Variants in LIM2 observed in about 807,000 individuals in gnomAD.
LIM2 encodes lens fiber membrane intrinsic protein.
In LIM2, 14 loss-of-function variants were observed where a neutral mutation model predicts 19.0. The ratio of observed to expected loss-of-function variants is 0.74; its 90% CI spans 0.49 to 1.15. The LOEUF (loss-of-function observed/expected upper bound fraction) is 1.15. LIM2 is among the 50% of genes most tolerant of loss of function. LIM2 has a pLI of 0.00. For missense variants in LIM2, 230 were observed against 243.5 expected, an observed-to-expected ratio of 0.94 and a Z score of 0.37; for synonymous variants, 78 against 89.6, an observed-to-expected ratio of 0.87 and a Z score of 0.73.
intron 2 of LIM2, 45 bp downstream of exon 2, chr19:51,387,224 T>C (rs1343508475): frequency 1.2e-6 from 2 of 1,614,232 alleles, no homozygotes; most frequent in African/African-American, 1.3e-5. Flanking sequence ...AGGTCCGCCC[T>C]GCTCTTTCCC....
intron 2 of LIM2, chr19:51,387,030 A>G (rs749320352): frequency 3.1e-5 from 23 of 747,844 alleles, no homozygotes; most frequent in Non-Finnish European, 5.5e-5. Flanking sequence ...GACACCTCTG[A>G]AGCGTCAGGA....
At chr19:51,385,705 A>G (rs1483288003) in intron 2 of LIM2, among the ~76,000 whole-genome samples, 2 of 152,158 alleles carry the variant, frequency 1.3e-5, no homozygotes, top group Non-Finnish European at 2.9e-5. Context: ...GCCAGAAAGG[A>G]GAAGGATGTG....
intron 2 of LIM2, among the ~76,000 whole-genome samples, chr19:51,385,915 C>T (rs1354463886): frequency 6.6e-6 from 1 of 152,150 alleles, no homozygotes; most frequent in Non-Finnish European, 1.5e-5. Flanking sequence ...TTCTCAGCTA[C>T]TCAAGAGGAT....
chr19:51,387,093 C>G (rs562617264), intron 2 of LIM2, 176 bp downstream of exon 2: 1 of 1,216,424 alleles, frequency 8.2e-7, no homozygotes, highest in African/African-American at 1.5e-5. Context: ...GAAACTGCAG[C>G]TAGAAAACAA....
In LIM2 at chr19:51,381,876, A is replaced by C. The variant is rs527469911; in HGVS notation, c.325+542T>G. Among the ~76,000 whole-genome samples the C allele has an allele frequency of 1.4e-4, 22 of 152,144 alleles. 1 individual carries two copies. Among genetic ancestry groups the C allele is most frequent in the African/African-American group, 5.1e-4 (21 of 41,530 alleles). Reference sequence around the variant, plus strand: ...AAGTAGCTGGGACCACAGGCGCCCGACACCACGCCTGGCTAATTTTGTTTT... The same window carrying C: ...AAGTAGCTGGGACCACAGGCGCCCGCCACCACGCCTGGCTAATTTTGTTTT... On this transcript the variant is annotated intron_variant, in intron 3 of 4. Transcript: ENST00000596399.
intron 2 of LIM2, 74 bp downstream of exon 2, chr19:51,387,195 C>T (rs776762919): frequency 6.2e-7 from 1 of 1,614,182 alleles, no homozygotes; most frequent in South Asian, 1.1e-5. Context: ...ATCTGGAATA[C>T]AGGTGTCCTT....
Position 51,382,548 on chromosome 19 carries a change from C to T in LIM2, c.195G>A (p.Arg65=), listed in dbSNP as rs753625559. The T allele has an allele frequency of 4.3e-6, 7 of 1,613,664 alleles. No individual in the cohort carries two copies. The Admixed American group carries it at 5.0e-5, about 12-fold the overall frequency. Residue 65 remains arginine (R), a synonymous_variant, in exon 3 of 5, where the codon CGG becomes CGA. Coordinates refer to ENST00000596399, the MANE Select transcript of LIM2 (RefSeq NM_001161748.2). ...ATAGGGCAGACAGGATCATGAAGGC[C>T]CGGGTGGCATTCCAGTATGCTGTGG... is the stretch of plus-strand genomic sequence containing the variant. The part of the protein sequence containing the change: ...TDSIAYWNAT[R]AFMILSALCA...
At position 51,383,058 on chromosome 19, in the gene LIM2, C is replaced by T. The variant is rs192811010; in HGVS notation, c.176-491G>A. Among the ~76,000 whole-genome samples the T allele has an allele frequency of 5.0e-4, 57 of 113,272 alleles. 1 individual carries two copies. Among genetic ancestry groups the T allele is most frequent in the African/African-American group, 1.2e-3 (34 of 28,118 alleles). 74.3% of individuals were successfully genotyped at this position (113,272 alleles called of 152,430 possible). A position where few individuals can be genotyped will look rare whatever the true frequency, so the allele number is the denominator to read the frequency against. ...TTTTTTTTTTTTTTTTTTTTGAGACCGAGTCTTCCTCTGCCACCCAGGCTG... is the reference window on the plus strand; with the variant it reads ...TTTTTTTTTTTTTTTTTTTTGAGACTGAGTCTTCCTCTGCCACCCAGGCTG... On this transcript the variant is annotated intron_variant, in intron 2 of 4. Coordinates refer to ENST00000596399, the MANE Select transcript of LIM2 (RefSeq NM_001161748.2).
chr19:51,383,506 T>C (rs557889114), intron 2 of LIM2, among the ~76,000 whole-genome samples: 13 of 152,312 alleles, frequency 8.5e-5, no homozygotes, highest in Admixed American at 2.6e-4. Context: ...TGGTGCATAA[T>C]AGGTGCCCAA....
intron 2 of LIM2, among the ~76,000 whole-genome samples, chr19:51,385,709 G>A (rs1987021898): frequency 6.6e-6 from 1 of 152,152 alleles, no homozygotes; most frequent in Non-Finnish European, 1.5e-5. Context: ...GAAAGGAGAA[G>A]GATGTGTGGA....
At chr19:51,385,665 G>A (rs141694257) in intron 2 of LIM2, among the ~76,000 whole-genome samples, 48 of 152,324 alleles carry the variant, frequency 3.2e-4, no homozygotes, top group African/African-American at 1.1e-3. Flanking sequence ...CCCGAAGCAG[G>A]AGAAATGTAG....
intron 2 of LIM2, among the ~76,000 whole-genome samples, chr19:51,382,787 A>G (rs1292440925): frequency 6.6e-6 from 1 of 151,898 alleles, no homozygotes; most frequent in African/African-American, 2.4e-5. Context: ...CCCACCCCTC[A>G]GTCATCATCT....
At chr19:51,380,398 C>A (rs113059683) in intron 4 of LIM2, 107 bp downstream of exon 4, 3 of 1,586,570 alleles carry the variant, frequency 1.9e-6, no homozygotes, top group Non-Finnish European at 1.7e-6. Flanking sequence ...GAGTCTTCCT[C>A]CTGACCCAGT....
chr19:51,381,277 C>T (rs549769680), intron 3 of LIM2, among the ~76,000 whole-genome samples: 9 of 151,974 alleles, frequency 5.9e-5, no homozygotes, highest in East Asian at 1.9e-4. Flanking sequence ...GAGCTGAGAT[C>T]GAGCCACTAC....
intron 2 of LIM2, among the ~76,000 whole-genome samples, chr19:51,385,892 C>T (rs1177595808): frequency 2.0e-5 from 3 of 152,172 alleles, no homozygotes; most frequent in Non-Finnish European, 2.9e-5. Context: ...CACTCAGTGA[C>T]GCTTAGCTCT....
intron 2 of LIM2, among the ~76,000 whole-genome samples, chr19:51,384,267 C>T (rs1258759789): frequency 3.3e-5 from 5 of 151,982 alleles, no homozygotes; most frequent in African/African-American, 4.8e-5. Flanking sequence ...CCTGTCTCTA[C>T]TAAAAATACA....
intron 3 of LIM2, among the ~76,000 whole-genome samples, chr19:51,382,109 C>T (rs893123854): frequency 6.6e-6 from 1 of 152,184 alleles, no homozygotes; most frequent in Non-Finnish European, 1.5e-5. Context: ...GTGGCCCAGG[C>T]ACCCTGCTTG....
In LIM2 at chr19:51,387,037, A is replaced by G. The variant is rs149282596; in HGVS notation, c.175+232T>C. On this transcript the variant is annotated intron_variant, in intron 2 of 4. Transcript: ENST00000596399. Reference sequence around the variant, plus strand: ...CTGTGCATGACACCTCTGAAGCGTCAGGAAATGCCACCTCTCCCAACTTAA... The same window carrying G: ...CTGTGCATGACACCTCTGAAGCGTCGGGAAATGCCACCTCTCCCAACTTAA... 635 of 773,436 alleles carry G rather than the reference A, an allele frequency of 8.2e-4. 8 individuals carry two copies. Among genetic ancestry groups the G allele is most frequent in the African/African-American group, 8.2e-3 (480 of 58,470 alleles). The allele number at this position is 773,436 out of a possible 1,614,324, so 47.9% of individuals were successfully genotyped here. A position where few individuals can be genotyped will look rare whatever the true frequency, so the allele number is the denominator to read the frequency against.
intron 3 of LIM2, 36 bp downstream of exon 3, chr19:51,382,382 C>A (rs76392551): frequency 1.2e-6 from 2 of 1,605,548 alleles, no homozygotes; most frequent in Non-Finnish European, 1.7e-6. Flanking sequence ...GAGATGAGAG[C>A]GAGGAGAGGG....
Sources: gnomAD v4.1 joint callset for allele counts (sites outside exome capture counted in the v4.1 genomes callset) on GRCh38, gnomAD v4.1.1 for gene constraint, MANE v1.5 for transcripts, NCBI Gene and HGNC (gene_info 2026-07-23, HGNC 2026-07-21) for gene names.